IMMP2L: variants seen among roughly 807,000 people sequenced by gnomAD.
IMMP2L encodes the protein inner mitochondrial membrane peptidase subunit 2.
A neutral mutation model predicts 19.3 loss-of-function variants in IMMP2L; 18 were observed. That is an observed-to-expected ratio of 0.93 (90% CI 0.64 to 1.38). The LOEUF (loss-of-function observed/expected upper bound fraction) is 1.38, where lower values mean the gene tolerates loss of function less well. IMMP2L is among the 40% of genes most tolerant of loss of function. IMMP2L has a pLI of 0.00. For synonymous variants in IMMP2L, 76 were observed against 73.0 expected (o/e 1.04, Z -0.21); for missense variants, 233 against 218.2 (o/e 1.07, Z -0.43).
At chr7:110,905,519 G>A (rs758272389) in intron 4 of IMMP2L, among the ~76,000 whole-genome samples, 1 of 151,886 alleles carries the variant, frequency 6.6e-6, no homozygotes, top group Non-Finnish European at 1.5e-5. Context: ...TGGGAGGTCT[G>A]CAAAAATTTT....
chr7:111,154,061 T>C (rs1172253426), intron 3 of IMMP2L, among the ~76,000 whole-genome samples: 1 of 152,126 alleles, frequency 6.6e-6, no homozygotes, highest in Non-Finnish European at 1.5e-5. Flanking sequence ...TTTCTTTTTA[T>C]GAAAAATGAA....
intron 3 of IMMP2L, chr7:111,124,351 A>G (rs1211439832): frequency 6.2e-7 from 1 of 1,613,620 alleles, no homozygotes; most frequent in East Asian, 2.2e-5. Flanking sequence ...CTCTTTGAAT[A>G]TTAAAATAAG....
At chr7:110,891,882 ATG>A (rs1246034630) in intron 4 of IMMP2L, among the ~76,000 whole-genome samples, 1 of 152,198 alleles carries the variant, frequency 6.6e-6, no homozygotes, top group Non-Finnish European at 1.5e-5. Context: ...TTGTAAGAAA[ATG>A]TAACATCTGT....
At chr7:110,913,491 A>G (rs1221613749) in intron 4 of IMMP2L, among the ~76,000 whole-genome samples, 1 of 152,204 alleles carries the variant, frequency 6.6e-6, no homozygotes, top group Non-Finnish European at 1.5e-5. Flanking sequence ...AAATCTGATT[A>G]ATAAATGAAC....
intron 3 of IMMP2L, among the ~76,000 whole-genome samples, chr7:111,066,755 T>G (rs1327357513): frequency 6.6e-6 from 1 of 152,204 alleles, no homozygotes; most frequent in Non-Finnish European, 1.5e-5. Flanking sequence ...CAGGAGTGTC[T>G]GATTGCCTGG....
At chr7:111,218,209 TCTG>T (rs1812158251) in intron 3 of IMMP2L, among the ~76,000 whole-genome samples, 4 of 152,040 alleles carry the variant, frequency 2.6e-5, no homozygotes, top group Non-Finnish European at 5.9e-5. Flanking sequence ...TCTGCTCTGT[TCTG>T]AAGTTTTCTT....
intron 3 of IMMP2L, among the ~76,000 whole-genome samples, chr7:111,241,414 A>G (rs1280405278): frequency 6.6e-6 from 1 of 151,992 alleles, no homozygotes; most frequent in Non-Finnish European, 1.5e-5. Flanking sequence ...CGCAAAGATG[A>G]AAATACATAT....
chr7:111,152,718 G>A lies in IMMP2L; in HGVS notation c.240-189153C>T, dbSNP rs574359644. 4.6e-5 allele frequency among the ~76,000 whole-genome samples: 7 copies of A among 152,120 alleles called. No homozygotes were observed. The South Asian group carries it at 1.2e-3, about 27-fold the overall frequency. On this transcript the variant is annotated intron_variant, in intron 3 of 5. Transcript: ENST00000405709. ...CTCCTCCTCATTAATAGACAAAAAG[G>A]CCATTATTTCATCTTCTCCGAAGTT...
At chr7:111,059,653 T>C (rs1379799295) in intron 3 of IMMP2L, among the ~76,000 whole-genome samples, 1 of 152,176 alleles carries the variant, frequency 6.6e-6, no homozygotes, top group Non-Finnish European at 1.5e-5. Context: ...TATTTTAGCA[T>C]GAGTATTTGT....
chr7:111,126,350 A>T (rs911997340), intron 3 of IMMP2L, among the ~76,000 whole-genome samples: 4 of 152,178 alleles, frequency 2.6e-5, no homozygotes, highest in Non-Finnish European at 5.9e-5. Flanking sequence ...TAGTAGTAGA[A>T]GTTTAACAGG....
intron 5 of IMMP2L, among the ~76,000 whole-genome samples, chr7:110,816,366 G>A (rs1317163765): frequency 2.0e-5 from 3 of 152,178 alleles, no homozygotes; most frequent in Middle Eastern, 3.4e-3. Flanking sequence ...TACATTTGCT[G>A]AGGAGAGCTT....
chr7:111,166,096 T>C (rs553814670), intron 3 of IMMP2L, among the ~76,000 whole-genome samples: 9 of 152,176 alleles, frequency 5.9e-5, no homozygotes, highest in Middle Eastern at 6.8e-3. Flanking sequence ...TTTAAAATTA[T>C]TTCATTTAAA....
chr7:111,557,516 C>T (rs1052376800), intron 1 of IMMP2L, among the ~76,000 whole-genome samples: 18 of 152,136 alleles, frequency 1.2e-4, no homozygotes, highest in Admixed American at 7.9e-4. Flanking sequence ...CCTAGAAATG[C>T]TTTCTATTGC....
intron 3 of IMMP2L, among the ~76,000 whole-genome samples, chr7:110,980,354 G>A (rs1329345711): frequency 6.7e-6 from 1 of 149,186 alleles, no homozygotes; most frequent in Non-Finnish European, 1.5e-5. Context: ...CAGCCTCTCC[G>A]AGTAGCTGGG....
At chr7:110,958,060 C>T (rs761954532) in intron 4 of IMMP2L, among the ~76,000 whole-genome samples, 17 of 149,168 alleles carry the variant, frequency 1.1e-4, no homozygotes, top group East Asian at 3.9e-4. Flanking sequence ...AAGGTCTACA[C>T]GGTCAGTGAA....
intron 3 of IMMP2L, among the ~76,000 whole-genome samples, chr7:111,473,209 A>G (rs1841421958): frequency 6.6e-6 from 1 of 152,164 alleles, no homozygotes. Context: ...AGCTATGCAC[A>G]GGGTGACTAT....
At chr7:111,097,776 T>C (rs754325549) in intron 3 of IMMP2L, among the ~76,000 whole-genome samples, 13 of 151,948 alleles carry the variant, frequency 8.6e-5, no homozygotes, top group Non-Finnish European at 1.3e-4. Flanking sequence ...CTGAACATGT[T>C]CTACAAAAAG....
At chr7:110,725,095 T>A (rs1795806791) in intron 5 of IMMP2L, among the ~76,000 whole-genome samples, 1 of 152,174 alleles carries the variant, frequency 6.6e-6, no homozygotes, top group Non-Finnish European at 1.5e-5. Flanking sequence ...AGTCATGGTA[T>A]CCTCAAAGTC....
intron 1 of IMMP2L, among the ~76,000 whole-genome samples, chr7:111,555,592 G>C (rs1791198188): frequency 6.6e-6 from 1 of 152,038 alleles, no homozygotes; most frequent in Admixed American, 6.5e-5. Context: ...GCAGTGATAT[G>C]ATTTCACTAT....
Sources: allele counts gnomAD v4.1 joint callset (sites outside exome capture counted in the v4.1 genomes callset), GRCh38; gene constraint gnomAD v4.1.1; transcripts MANE v1.5; gene names NCBI Gene and HGNC (gene_info 2026-07-23, HGNC 2026-07-21).